Variants in CELF2 observed in about 807,000 individuals in gnomAD.
CELF2 encodes CUGBP Elav-like family member 2.
In CELF2, 8 loss-of-function variants were observed where a neutral mutation model predicts 62.6. The ratio of observed to expected loss-of-function variants is 0.13; its 90% confidence interval spans 0.07 to 0.23. The LOEUF (loss-of-function observed/expected upper bound fraction) is 0.23. CELF2 is among the 10% of genes least tolerant of loss of function. The pLI, the probability that CELF2 is intolerant of heterozygous loss-of-function variation, is 1.00. For synonymous variants in CELF2, 258 were observed against 250.0 expected (o/e 1.03, Z -0.30); for missense variants, 333 against 671.0 (o/e 0.50, Z 5.56).
intron 1 of CELF2, among the ~76,000 whole-genome samples, chr10:11,107,776 C>G (rs2053902056): frequency 6.7e-6 from 1 of 149,986 alleles, no homozygotes; most frequent in Admixed American, 6.6e-5. Flanking sequence ...TGCTTCCTCT[C>G]ATTCTTCCTT....
At chr10:11,079,364 C>A (rs774121081) in intron 1 of CELF2, among the ~76,000 whole-genome samples, 1 of 152,198 alleles carries the variant, frequency 6.6e-6, no homozygotes, top group African/African-American at 2.4e-5. Context: ...TCAACAAAAA[C>A]GTGCGGAAAA....
chr10:11,203,597 C>G (rs1020230304), intron 2 of CELF2, among the ~76,000 whole-genome samples: 2 of 152,202 alleles, frequency 1.3e-5, no homozygotes, highest in Non-Finnish European at 2.9e-5. Context: ...GACACCCCCT[C>G]TCCATGCCTC....
At chr10:10,933,623 T>C (rs1178829314) in intron 2 of CELF2, among the ~76,000 whole-genome samples, 2 of 151,608 alleles carry the variant, frequency 1.3e-5, no homozygotes, top group Non-Finnish European at 2.9e-5. Flanking sequence ...CATCCCCTGG[T>C]AACCACTATT....
At chr10:10,725,111 A>G in the CELF2 span, among the ~76,000 whole-genome samples, 6 of 152,204 alleles carry the variant, frequency 3.9e-5, no homozygotes, top group African/African-American at 9.7e-5. Flanking sequence ...CAGTATTCCA[A>G]TTCTTAGCTC....
At chr10:10,937,329 C>T (rs1019839009) in intron 2 of CELF2, 3 of 151,722 alleles carry the variant, frequency 2.0e-5, no homozygotes, top group African/African-American at 7.3e-5. Context: ...ACAGGGTTTC[C>T]CATGTTGGCC....
the CELF2 span, among the ~76,000 whole-genome samples, chr10:10,517,416 G>A: frequency 6.6e-6 from 1 of 152,160 alleles, no homozygotes; most frequent in African/African-American, 2.4e-5. Flanking sequence ...AACACAGAAA[G>A]GAAAACAGGG....
At chr10:10,549,338 C>T in the CELF2 span, among the ~76,000 whole-genome samples, 1 of 152,174 alleles carries the variant, frequency 6.6e-6, no homozygotes, top group Non-Finnish European at 1.5e-5. Context: ...GGCTGGAGTG[C>T]AGTGGTGCAA....
At chr10:11,111,313 A>G (rs374148146) in intron 1 of CELF2, among the ~76,000 whole-genome samples, 1 of 152,364 alleles carries the variant, frequency 6.6e-6, no homozygotes, top group South Asian at 2.1e-4. Context: ...AGGTTAGGTC[A>G]TCTAGTGATA....
chr10:11,111,878 A>G (rs1012480432), intron 1 of CELF2, among the ~76,000 whole-genome samples: 2 of 152,226 alleles, frequency 1.3e-5, no homozygotes, highest in African/African-American at 4.8e-5. Flanking sequence ...TATCTTTTGA[A>G]TTTGGTTGAC....
rs1387879948 is a variant in CELF2 at position 10,998,962 on chromosome 10, G to A, written c.89+78963G>A. ...TTAGCATTTATGGAAAGTAATGAAG[G>A]TAATATACAGTTTTATCATTTTATT... On this transcript the variant is annotated intron_variant, in intron 2 of 13. Coordinates refer to the CELF2 transcript ENST00000636488. 2.6e-5 allele frequency among the ~76,000 whole-genome samples: 4 copies of A among 152,062 alleles called. No homozygotes were observed. The East Asian group carries it at 7.7e-4, about 29-fold the overall frequency.
chr10:10,922,476 G>A (rs976996972), intron 2 of CELF2, among the ~76,000 whole-genome samples: 3 of 152,140 alleles, frequency 2.0e-5, no homozygotes, highest in Admixed American at 6.5e-5. Flanking sequence ...TACCCACTCC[G>A]TGCTGTAATC....
chr10:11,209,725 G>A (rs1043287941), intron 2 of CELF2, among the ~76,000 whole-genome samples: 1 of 151,544 alleles, frequency 6.6e-6, no homozygotes, highest in African/African-American at 2.4e-5. Context: ...TGAAACCGTA[G>A]TGCATGGCAG....
chr10:11,142,675 C>T (rs531410430), intron 1 of CELF2, among the ~76,000 whole-genome samples: 117 of 125,956 alleles, frequency 9.3e-4, no homozygotes, highest in Non-Finnish European at 8.0e-5. Flanking sequence ...CAGAGCGAGA[C>T]GCTGTCTCAA....
chr10:10,798,676 C>T (rs934719614), exon 1 of CELF2: 16 of 398,632 alleles, frequency 4.0e-5, no homozygotes, highest in Admixed American at 4.0e-4. Context: ...CGCCAGGGCC[C>T]GGCCTGGGTC....
In CELF2 at chr10:10,919,962, A is replaced by G. The variant is rs1387540827; in HGVS notation, c.54-2A>G. 2.2e-5 allele frequency: 27 copies of G among 1,231,364 alleles called. No individual in the cohort carries two copies. Among genetic ancestry groups the G allele is most frequent in the Non-Finnish European group, 2.6e-5 (26 of 987,764 alleles). 76.3% of individuals were successfully genotyped at this position (1,231,364 alleles called of 1,614,324 possible). On this transcript the variant is annotated splice_acceptor_variant, in intron 1 of 13. Coordinates refer to the CELF2 transcript ENST00000636488. LOFTEE classifies it high-confidence loss of function. ...CTTATCTTCTTTTTCTCCTTCCTGCAGAGAGACGGCCACAGAGTTAGCTGG... is the reference window on the plus strand; with the variant it reads ...CTTATCTTCTTTTTCTCCTTCCTGCGGAGAGACGGCCACAGAGTTAGCTGG...
the CELF2 span, among the ~76,000 whole-genome samples, chr10:10,513,707 C>CT: frequency 3.3e-4 from 50 of 152,214 alleles, no homozygotes; most frequent in African/African-American, 1.2e-3. Context: ...ACAGCGTTGA[C>CT]TTTTTTAAAA....
intron 1 of CELF2, among the ~76,000 whole-genome samples, chr10:11,062,687 T>C (rs2067089275): frequency 6.6e-6 from 1 of 152,240 alleles, no homozygotes; most frequent in South Asian, 2.1e-4. Context: ...AATCGGTTTC[T>C]GGAGATGGAC....
chr10:11,092,958 G>GT (rs1329096274), intron 1 of CELF2, among the ~76,000 whole-genome samples: 1 of 152,208 alleles, frequency 6.6e-6, no homozygotes, highest in Non-Finnish European at 1.5e-5. Context: ...GCACTTGTCT[G>GT]TTGGGAGATG....
chr10:10,647,360 C>A, the CELF2 span, among the ~76,000 whole-genome samples: 31 of 152,208 alleles, frequency 2.0e-4, 1 homozygote, highest in Non-Finnish European at 1.8e-4. Context: ...ACCCTCCCTG[C>A]CTTTACATAA....
Sources: allele counts gnomAD v4.1 joint callset (sites outside exome capture counted in the v4.1 genomes callset), GRCh38; gene constraint gnomAD v4.1.1; transcripts MANE v1.5; gene names NCBI Gene and HGNC (gene_info 2026-07-23, HGNC 2026-07-21).